RAPGEF2: variants seen among roughly 807,000 people sequenced by gnomAD.
RAPGEF2 encodes Rap guanine nucleotide exchange factor 2, also known as PDZ domain containing guanine nucleotide exchange factor (GEF) 1.
RAPGEF2 carries 54 observed loss-of-function variants against 186.7 expected under a neutral mutation model. The ratio of observed to expected loss-of-function variants is 0.29; its 90% confidence interval spans 0.23 to 0.36. The LOEUF is 0.36. Ranked by LOEUF, RAPGEF2 falls within the 10% of genes least tolerant of loss-of-function variation. RAPGEF2 has a pLI of 1.00. For synonymous variants in RAPGEF2, 712 were observed against 705.9 expected, an observed-to-expected ratio of 1.01 and a Z score of -0.14; for missense variants, 1,532 against 2,045.0, an observed-to-expected ratio of 0.75 and a Z score of 4.84.
At chr4:159,231,170 C>G (rs996317023) in intron 4 of RAPGEF2, among the ~76,000 whole-genome samples, 1 of 151,960 alleles carries the variant, frequency 6.6e-6, no homozygotes, top group African/African-American at 2.4e-5. Flanking sequence ...AGTACGGTAA[C>G]ATTCTTTATG....
intron 1 of RAPGEF2, among the ~76,000 whole-genome samples, chr4:159,182,362 A>C (rs896651993): frequency 8.2e-4 from 124 of 150,842 alleles, no homozygotes; most frequent in Non-Finnish European, 1.7e-3. Context: ...TAGACTGAAA[A>C]GCTTCCTAGT....
At chr4:159,172,644 G>A (rs538224871) in intron 1 of RAPGEF2, among the ~76,000 whole-genome samples, 1 of 152,214 alleles carries the variant, frequency 6.6e-6, no homozygotes, top group African/African-American at 2.4e-5. Context: ...AAGTTGTAAT[G>A]CACGCATGCT....
At chr4:159,184,720 T>C (rs1207987945) in intron 1 of RAPGEF2, among the ~76,000 whole-genome samples, 1 of 152,238 alleles carries the variant, frequency 6.6e-6, no homozygotes, top group African/African-American at 2.4e-5. Flanking sequence ...GTAGTTTCTT[T>C]TGCTGTGCAG....
At chr4:159,193,619 A>G (rs1018381126) in intron 3 of RAPGEF2, among the ~76,000 whole-genome samples, 4 of 152,242 alleles carry the variant, frequency 2.6e-5, no homozygotes, top group Non-Finnish European at 4.4e-5. Context: ...CATAAAGGCC[A>G]TATTTTAGTT....
At position 159,353,937 on chromosome 4, in the gene RAPGEF2, C is replaced by T; in HGVS notation, c.4542C>T (p.Ser1514=). ...AGCGGAGGGGTGGAAAGGATGTTTC[C>T]ATTGAAGCCGAAAGCAGTAGCCTAA... ...TIKRRGGKDV[S]IEAESSSLTS... is the part of the protein sequence containing the mutation. Residue 1514 remains serine, a synonymous_variant, in exon 28 of 30, where the codon TCC becomes TCT. Transcript: ENST00000691494. The surrounding 1 kb of genome is among the most constrained non-coding windows in gnomAD (Gnocchi z 4.3). The T allele has an allele frequency of 6.2e-7, 1 of 1,614,088 alleles. No homozygotes were observed. Among genetic ancestry groups the T allele is most frequent in the Non-Finnish European group, 8.5e-7 (1 of 1,180,040 alleles).
chr4:159,347,641 G>A (rs530683885), intron 25 of RAPGEF2, among the ~76,000 whole-genome samples: 9 of 152,176 alleles, frequency 5.9e-5, no homozygotes, highest in African/African-American at 1.2e-4. Context: ...AAAATTAGCC[G>A]GGCGTGGTGG....
Position 159,236,284 on chromosome 4 carries a change from A to G in RAPGEF2, c.282-2525A>G, listed in dbSNP as rs143769621. The stretch of plus-strand genomic sequence containing the variant: ...TTATGGAAATGTTTTTGTGTAGCAC[A>G]TTTTAGGAAATGTAAACTTTTCATC... On this transcript the variant is annotated intron_variant, in intron 4 of 29. Coordinates refer to ENST00000691494, the MANE Select transcript of RAPGEF2 (RefSeq NM_001394067.2). Among the ~76,000 whole-genome samples, 108 of 152,302 alleles carry G rather than the reference A, an allele frequency of 7.1e-4. 1 individual carries two copies. The Middle Eastern group carries it at 0.041, about 58-fold the overall frequency.
intron 4 of RAPGEF2, among the ~76,000 whole-genome samples, chr4:159,227,503 C>G (rs1752165704): frequency 1.3e-5 from 2 of 152,098 alleles, no homozygotes; most frequent in South Asian, 4.1e-4. Flanking sequence ...TGTTATGGAC[C>G]ATAACTTTTA....
intron 8 of RAPGEF2, among the ~76,000 whole-genome samples, chr4:159,311,382 A>C (rs1763936178): frequency 6.6e-6 from 1 of 152,148 alleles, no homozygotes; most frequent in Non-Finnish European, 1.5e-5. Flanking sequence ...TTTTTGGTCA[A>C]ATTCCACAAA....
intron 8 of RAPGEF2, among the ~76,000 whole-genome samples, chr4:159,306,933 T>C (rs1480898370): frequency 2.9e-3 from 1 of 350 alleles, no homozygotes; most frequent in Non-Finnish European, 0.01. Context: ...GCCAGAGCTA[T>C]GGGATTCAAA....
At chr4:159,246,169 C>T (rs1464569907) in intron 7 of RAPGEF2, among the ~76,000 whole-genome samples, 1 of 152,132 alleles carries the variant, frequency 6.6e-6, no homozygotes, top group Non-Finnish European at 1.5e-5. Context: ...TGAATATACA[C>T]TGCAGAGTAC....
chr4:159,335,536 A>G (rs891905876), intron 17 of RAPGEF2, among the ~76,000 whole-genome samples: 14 of 152,158 alleles, frequency 9.2e-5, no homozygotes, highest in African/African-American at 3.4e-4. Flanking sequence ...GTAAGGTGTT[A>G]AAGTGTTGCG....
intron 4 of RAPGEF2, among the ~76,000 whole-genome samples, chr4:159,232,530 G>C (rs989805226): frequency 6.6e-6 from 1 of 152,084 alleles, no homozygotes; most frequent in Non-Finnish European, 1.5e-5. Context: ...CCATTCTTCC[G>C]TTGTTGGACA....
intron 4 of RAPGEF2, among the ~76,000 whole-genome samples, chr4:159,221,836 A>G (rs866360830): frequency 4.6e-5 from 7 of 152,244 alleles, no homozygotes; most frequent in African/African-American, 7.2e-5. Context: ...CTGGGAGAGA[A>G]TTCCAAATAA....
intron 1 of RAPGEF2, among the ~76,000 whole-genome samples, chr4:159,149,745 T>TAATTTTTCCC (rs1743331523): frequency 1.3e-5 from 2 of 152,166 alleles, no homozygotes; most frequent in South Asian, 4.1e-4. Context: ...CTGCATTAAG[T>TAATTTTTCCC]AATTGAGACT....
At position 159,304,349 on chromosome 4, in the gene RAPGEF2, C is replaced by G; in HGVS notation, c.551C>G (p.Ala184Gly). ...TTCCTGCTCCTTCCATAGCTTCCTG[C>G]AGATTTCACAAAACTGCATCTTACT... Reference protein sequence around the residue: ...HTECTKSQLPADFTKLHLTDS... With the variant: ...HTECTKSQLPGDFTKLHLTDS... The change falls in exon 8 of 30, where the codon GCA (alanine) becomes GGA (glycine). Residue 184 changes from alanine (A) to glycine (G), a missense_variant. Physicochemically the swap from Ala to Gly is moderately conservative, Grantham distance 60. Transcript: ENST00000691494. 1 of 1,604,170 alleles carries G rather than the reference C, an allele frequency of 6.2e-7. No homozygotes were observed. Among genetic ancestry groups the G allele is most frequent in the Non-Finnish European group, 8.5e-7 (1 of 1,172,824 alleles).
At chr4:159,152,192 C>G (rs1743621712) in intron 1 of RAPGEF2, among the ~76,000 whole-genome samples, 1 of 151,292 alleles carries the variant, frequency 6.6e-6, no homozygotes, top group Non-Finnish European at 1.5e-5. Flanking sequence ...CATAGTGTTG[C>G]ACGCCTGTAG....
chr4:159,346,826 C>T lies in RAPGEF2; in HGVS notation c.3540C>T (p.Ser1180=), dbSNP rs201970611. 16 of 1,614,116 alleles carry T rather than the reference C, an allele frequency of 9.9e-6. No homozygotes were observed. The highest frequency in any genetic ancestry group is 5.3e-5 in the African/African-American group (4 of 75,010). Reference sequence around the variant, plus strand: ...CTGGTGACAAAAAGCCTGTCAAATCCGAGACCTCTCCAGTAGCTCCAAGGG... The same window carrying T: ...CTGGTGACAAAAAGCCTGTCAAATCTGAGACCTCTCCAGTAGCTCCAAGGG... ...KNPGDKKPVK[S]ETSPVAPRAG... The change falls in exon 25 of 30, where the codon TCC becomes TCT. Residue 1180 remains serine, a synonymous_variant. Transcript: ENST00000691494.
intron 4 of RAPGEF2, among the ~76,000 whole-genome samples, chr4:159,225,332 G>T (rs1490845670): frequency 6.6e-6 from 1 of 152,194 alleles, no homozygotes; most frequent in African/African-American, 2.4e-5. Flanking sequence ...ATATAAAGTG[G>T]ATGCCAGATT....
Sources: gnomAD v4.1 joint callset for allele counts (sites outside exome capture counted in the v4.1 genomes callset) on GRCh38, gnomAD v4.1.1 for gene constraint, Gnocchi (gnomAD v3.1) non-coding constraint, MANE v1.5 for transcripts, NCBI Gene and HGNC (gene_info 2026-07-23, HGNC 2026-07-21) for gene names.